ELAPOR2: variants seen among roughly 807,000 people sequenced by gnomAD.
The protein encoded by ELAPOR2 is endosome-lysosome associated apoptosis and autophagy regulator family member 2.
A neutral mutation model predicts 120.7 loss-of-function variants in ELAPOR2; 89 were observed. The observed-to-expected ratio is 0.74, with a 90% CI of 0.62 to 0.88. The LOEUF is 0.88. Ranked by LOEUF, ELAPOR2 falls within the 40% of genes least tolerant of loss-of-function variation. ELAPOR2 has a pLI of 0.00. For synonymous variants in ELAPOR2, 444 were observed against 444.9 expected, an observed-to-expected ratio of 1.00 and a Z score of 0.03; for missense variants, 1,134 against 1,251.6, an observed-to-expected ratio of 0.91 and a Z score of 1.42.
intron 18 of ELAPOR2, among the ~76,000 whole-genome samples, chr7:86,899,791 C>T (rs1351354224): frequency 1.3e-5 from 2 of 151,366 alleles, no homozygotes; most frequent in African/African-American, 4.9e-5. Context: ...GGGCTAAGAA[C>T]AATGACAAAT....
rs911071721 is a variant in ELAPOR2, at chr7:87,059,264, A to G, written c.189+61T>C. 5 of 1,242,316 alleles carry G rather than the reference A, an allele frequency of 4.0e-6. No individual in the cohort carries two copies. The African/African-American group carries it at 4.7e-5, about 12-fold the overall frequency. 77.0% of individuals were successfully genotyped at this position (1,242,316 alleles called of 1,614,324 possible). A position where few individuals can be genotyped will look rare whatever the true frequency, so the allele number is the denominator to read the frequency against. On this transcript the variant is annotated intron_variant, in intron 1 of 21. Transcript: ENST00000450689. ...ACAGAAATAAACAGGAACCGCTCTC[A>G]GCCTTCATCTTCCGCGCCCTCCCCC...
chr7:86,949,111 A>G (rs1006672808), intron 2 of ELAPOR2, among the ~76,000 whole-genome samples: 1 of 152,216 alleles, frequency 6.6e-6, no homozygotes, highest in Admixed American at 6.5e-5. Flanking sequence ...GAAAACCTTA[A>G]AGATGCTGTA....
At chr7:86,891,444 A>G (rs1465648655) in intron 21 of ELAPOR2, 4 of 300,996 alleles carry the variant, frequency 1.3e-5, no homozygotes, top group Non-Finnish European at 2.4e-5. Context: ...ACACATAGCT[A>G]TCTCAATCTT....
chr7:86,893,419 C>T (rs1430370418), intron 19 of ELAPOR2, among the ~76,000 whole-genome samples: 1 of 151,872 alleles, frequency 6.6e-6, no homozygotes, highest in Admixed American at 6.6e-5. Context: ...ATAAAAATGG[C>T]TCCATCTGGA....
intron 1 of ELAPOR2, among the ~76,000 whole-genome samples, chr7:87,010,501 C>A (rs529917010): frequency 3.3e-5 from 5 of 152,284 alleles, no homozygotes; most frequent in African/African-American, 1.2e-4. Flanking sequence ...ACTGAAGGAT[C>A]ACTAAAAACT....
At chr7:87,050,301 T>C (rs1795062969) in intron 1 of ELAPOR2, among the ~76,000 whole-genome samples, 1 of 152,110 alleles carries the variant, frequency 6.6e-6, no homozygotes, top group African/African-American at 2.4e-5. Flanking sequence ...TGGGGCCTGG[T>C]GGGAGGTGTC....
rs553991387 is a variant in ELAPOR2 at position 86,897,603 on chromosome 7, C to T, written c.2588G>A (p.Cys863Tyr). ...ACTCTCCCACAGGAAATAGAACGTACACCCATCACAGGTACCTGCTGGGCA... is the reference window on the plus strand; with the variant it reads ...ACTCTCCCACAGGAAATAGAACGTATACCCATCACAGGTACCTGCTGGGCA... ...SKCPAGTCDG[C>Y]TFYFLWESAE... Residue 863 changes from cysteine (C) to tyrosine (Y), a missense_variant, in exon 19 of 22, where the codon TGT becomes TAT. Around this residue, in one of 3 missense-constraint regions of ELAPOR2, gnomAD observed 831 missense variants for 867.6 expected, o/e 0.96. Transcript: ENST00000450689. The T allele has an allele frequency of 1.9e-6, 3 of 1,613,378 alleles. No individual in the cohort carries two copies. Among genetic ancestry groups the T allele is most frequent in the East Asian group, 2.2e-5 (1 of 44,808 alleles).
intron 1 of ELAPOR2, among the ~76,000 whole-genome samples, chr7:87,017,587 TTTTG>T (rs909330997): frequency 1.1e-4 from 17 of 152,244 alleles, no homozygotes; most frequent in Middle Eastern, 3.4e-3. Flanking sequence ...AAACACATAT[TTTTG>T]TTTGTTTGTT....
intron 7 of ELAPOR2, 143 bp from the exon 8 acceptor site, chr7:86,938,357 GA>G: frequency 1.7e-6 from 1 of 597,616 alleles, no homozygotes; most frequent in Non-Finnish European, 3.0e-6. Flanking sequence ...TAGGTCTAAA[GA>G]AAATAAATGC....
intron 1 of ELAPOR2, among the ~76,000 whole-genome samples, chr7:87,051,559 A>G (rs1795102460): frequency 6.6e-6 from 1 of 152,224 alleles, no homozygotes; most frequent in African/African-American, 2.4e-5. Flanking sequence ...CAATTCTAAC[A>G]TAGATAAGAC....
rs957934320 is a variant in ELAPOR2 at position 86,926,203 on chromosome 7, T to C, written c.1270+533A>G. Among the ~76,000 whole-genome samples, 12 of 152,054 alleles carry C rather than the reference T, an allele frequency of 7.9e-5. No individual in the cohort carries two copies. In the South Asian group the frequency reaches 1.7e-3, roughly 21 times the overall value. ...GGTTTATAAATAAGCCTGATTTAAA[T>C]TGACATCTGCAAAATTGAAAGAGAA... On this transcript the variant is annotated intron_variant, in intron 9 of 21. Coordinates refer to ENST00000450689, the MANE Select transcript of ELAPOR2 (RefSeq NM_001142749.3).
At chr7:86,935,514 CTG>C (rs1301980366) in intron 8 of ELAPOR2, among the ~76,000 whole-genome samples, 1 of 151,982 alleles carries the variant, frequency 6.6e-6, no homozygotes, top group Non-Finnish European at 1.5e-5. Flanking sequence ...ATTTGATTGA[CTG>C]TTTATCTCTT....
intron 3 of ELAPOR2, among the ~76,000 whole-genome samples, chr7:86,946,807 T>C (rs1355348586): frequency 6.6e-6 from 1 of 152,150 alleles, no homozygotes; most frequent in Non-Finnish European, 1.5e-5. Context: ...CTTGTCAGTA[T>C]CTCCTGCCCA....
Position 86,920,501 on chromosome 7 carries a change from T to C in ELAPOR2, c.1400-1191A>G, listed in dbSNP as rs951723084. Among the ~76,000 whole-genome samples, 12 of 152,194 alleles carry C rather than the reference T, an allele frequency of 7.9e-5. No homozygotes were observed. The East Asian group carries it at 1.9e-3, about 25-fold the overall frequency. ...AAGGGAGGACTTTATGAAATGTTTC[T>C]CTCAGAACAACTCCTAGTGTTCAGA... On this transcript the variant is annotated intron_variant, in intron 10 of 21. Coordinates refer to ENST00000450689, the MANE Select transcript of ELAPOR2 (RefSeq NM_001142749.3).
intron 1 of ELAPOR2, among the ~76,000 whole-genome samples, chr7:87,034,339 T>C (rs111276526): frequency 0.024 from 3,685 of 152,220 alleles, 171 homozygotes; most frequent in African/African-American, 0.085. Context: ...TACCTGGCTA[T>C]TGTTATTATT....
chr7:86,890,133 G>T (rs758639980), intron 21 of ELAPOR2, among the ~76,000 whole-genome samples: 2 of 151,916 alleles, frequency 1.3e-5, no homozygotes, highest in Non-Finnish European at 2.9e-5. Flanking sequence ...AACCAACATG[G>T]TATAAAAATG....
At chr7:86,929,021 T>G (rs1301087074) in intron 8 of ELAPOR2, among the ~76,000 whole-genome samples, 1 of 151,834 alleles carries the variant, frequency 6.6e-6, no homozygotes, top group Non-Finnish European at 1.5e-5. Flanking sequence ...TTTGGCAAGT[T>G]GAGATAAAAC....
chr7:87,052,944 A>G (rs1562988181), intron 1 of ELAPOR2, among the ~76,000 whole-genome samples: 2 of 152,004 alleles, frequency 1.3e-5, no homozygotes, highest in African/African-American at 4.8e-5. Context: ...CTACAGGCCC[A>G]TGCCACCATG....
intron 8 of ELAPOR2, among the ~76,000 whole-genome samples, chr7:86,933,461 C>T (rs1020323158): frequency 3.3e-5 from 5 of 151,858 alleles, no homozygotes; most frequent in Admixed American, 3.3e-4. Flanking sequence ...TGGTTAGAAC[C>T]AAGATAGATG....
Sources: allele counts gnomAD v4.1 joint callset (sites outside exome capture counted in the v4.1 genomes callset), GRCh38; gene constraint gnomAD v4.1.1; regional missense constraint gnomAD v4.1.1; transcripts MANE v1.5; gene names NCBI Gene and HGNC (gene_info 2026-07-23, HGNC 2026-07-21).